The following GNAQ variants were observed in gnomAD, a reference collection of about 807,000 sequenced individuals.
GNAQ encodes the protein G protein subunit alpha q.
GNAQ carries 8 observed loss-of-function variants against 43.9 expected under a neutral mutation model. The ratio of observed to expected loss-of-function variants is 0.18; its 90% CI spans 0.11 to 0.33. The LOEUF (loss-of-function observed/expected upper bound fraction) is 0.33, where lower values mean the gene tolerates loss of function less well. Ranked by LOEUF, GNAQ falls within the 10% of genes least tolerant of loss-of-function variation. The probability of loss-of-function intolerance (pLI) is 1.00; values close to 1 mark genes in which losing one functional copy is unlikely to be tolerated. For synonymous variants in GNAQ, 155 were observed against 170.7 expected, an observed-to-expected ratio of 0.91 and a Z score of 0.71; for missense variants, 158 against 450.8, an observed-to-expected ratio of 0.35 and a Z score of 5.88.
chr9:77,994,085 T>C (rs1028466451), intron 1 of GNAQ, among the ~76,000 whole-genome samples: 1 of 152,170 alleles, frequency 6.6e-6, no homozygotes, highest in East Asian at 1.9e-4. Flanking sequence ...GGCACGATCA[T>C]AGCTCACTGC....
At chr9:77,942,801 A>G (rs1418138637) in intron 1 of GNAQ, among the ~76,000 whole-genome samples, 1 of 152,248 alleles carries the variant, frequency 6.6e-6, no homozygotes, top group East Asian at 1.9e-4. Context: ...GAATATGATC[A>G]ATAGCTGTGT....
intron 2 of GNAQ, among the ~76,000 whole-genome samples, chr9:77,879,864 TG>T (rs540884852): frequency 1.5e-3 from 224 of 152,308 alleles, no homozygotes; most frequent in African/African-American, 5.2e-3. Flanking sequence ...TTCTGCCCTT[TG>T]GGTTCTGAAA....
At chr9:77,962,892 CAAAAAAAAAAA>C (rs538653191) in intron 1 of GNAQ, among the ~76,000 whole-genome samples, 1 of 55,240 alleles carries the variant, frequency 1.8e-5, no homozygotes. Flanking sequence ...AACTTAGTCT[CAAAAAAAAAAA>C]AAAAAAAAAA....
intron 1 of GNAQ, among the ~76,000 whole-genome samples, chr9:77,965,224 A>ACT (rs1823151821): frequency 2.0e-5 from 3 of 152,118 alleles, no homozygotes; most frequent in African/African-American, 7.2e-5. Context: ...CAACACCCAT[A>ACT]ATTATATAAA....
At chr9:77,961,833 A>C (rs1823110475) in intron 1 of GNAQ, among the ~76,000 whole-genome samples, 1 of 152,186 alleles carries the variant, frequency 6.6e-6, no homozygotes, top group Non-Finnish European at 1.5e-5. Context: ...CAAATAAAGA[A>C]ACAGGAAAAG....
intron 1 of GNAQ, among the ~76,000 whole-genome samples, chr9:78,023,615 T>C (rs902917664): frequency 2.6e-5 from 4 of 151,606 alleles, no homozygotes; most frequent in Non-Finnish European, 4.4e-5. Flanking sequence ...AATCACCCTG[T>C]TGCCCCTACA....
At chr9:77,960,721 G>A (rs1823097190) in intron 1 of GNAQ, among the ~76,000 whole-genome samples, 1 of 152,016 alleles carries the variant, frequency 6.6e-6, no homozygotes, top group Admixed American at 6.6e-5. Context: ...TACAAAAGAT[G>A]GGAAAAACTA....
At chr9:77,770,955 T>A (rs1334168287) in intron 5 of GNAQ, among the ~76,000 whole-genome samples, 1 of 150,544 alleles carries the variant, frequency 6.6e-6, no homozygotes, top group East Asian at 1.9e-4. Context: ...ATTTTTCATT[T>A]TCTGAAAAAT....
At chr9:77,854,403 T>TA (rs1827719215) in intron 2 of GNAQ, among the ~76,000 whole-genome samples, 2 of 152,126 alleles carry the variant, frequency 1.3e-5, no homozygotes, top group African/African-American at 4.8e-5. Context: ...CAGGAAATGT[T>TA]AAAAAGGAAG....
chr9:77,901,246 G>A (rs979098411), intron 2 of GNAQ, among the ~76,000 whole-genome samples: 2 of 152,090 alleles, frequency 1.3e-5, no homozygotes, highest in African/African-American at 4.8e-5. Context: ...CCTGCCCAAG[G>A]GCTCTTGGGC....
intron 5 of GNAQ, among the ~76,000 whole-genome samples, chr9:77,762,575 C>T (rs1250438422): frequency 2.7e-5 from 4 of 149,742 alleles, no homozygotes; most frequent in African/African-American, 9.8e-5. Flanking sequence ...CTCTGCCCGG[C>T]CACCACCCCA....
chr9:77,818,031 A>G (rs966146906), intron 2 of GNAQ, among the ~76,000 whole-genome samples: 1 of 148,840 alleles, frequency 6.7e-6, no homozygotes, highest in African/African-American at 2.4e-5. Context: ...AAAACAAAAC[A>G]AAAAAAAACT....
intron 1 of GNAQ, among the ~76,000 whole-genome samples, chr9:78,003,561 T>A (rs1823668689): frequency 6.6e-6 from 1 of 152,058 alleles, no homozygotes; most frequent in South Asian, 2.1e-4. Context: ...ACACCTGTAA[T>A]CCCAGCATTT....
chr9:77,805,772 A>G (rs1487541057), intron 3 of GNAQ, among the ~76,000 whole-genome samples: 3 of 152,180 alleles, frequency 2.0e-5, no homozygotes, highest in Admixed American at 6.5e-5. Flanking sequence ...GTGGGTTATA[A>G]TCCTACCATT....
intron 2 of GNAQ, among the ~76,000 whole-genome samples, chr9:77,920,496 T>C (rs1466080907): frequency 6.6e-6 from 1 of 152,106 alleles, no homozygotes; most frequent in Non-Finnish European, 1.5e-5. Flanking sequence ...CTCGCTGGTA[T>C]TAAAAAAATA....
intron 5 of GNAQ, among the ~76,000 whole-genome samples, chr9:77,781,260 T>C (rs1011092810): frequency 2.7e-4 from 41 of 152,088 alleles, no homozygotes; most frequent in African/African-American, 9.2e-4. Context: ...TTTGCGTTGA[T>C]TTTCGTAAAG....
intron 1 of GNAQ, among the ~76,000 whole-genome samples, chr9:77,980,265 C>T (rs75111608): frequency 0.06 from 9,113 of 152,208 alleles, 306 homozygotes; most frequent in African/African-American, 0.068. Context: ...CCCTGGTGCT[C>T]ATAAACCAGT....
intron 5 of GNAQ, among the ~76,000 whole-genome samples, chr9:77,742,317 A>G (rs1393316688): frequency 1.3e-5 from 2 of 152,174 alleles, no homozygotes; most frequent in Non-Finnish European, 1.5e-5. Context: ...ACTAACTAAT[A>G]TAGAAGGCAA....
intron 1 of GNAQ, among the ~76,000 whole-genome samples, chr9:77,946,569 C>T (rs1225253948): frequency 2.0e-5 from 3 of 152,170 alleles, no homozygotes; most frequent in South Asian, 4.1e-4. Context: ...ACCCAGCAGT[C>T]GTGCTCCACC....
Sources: gnomAD v4.1 joint callset for allele counts (sites outside exome capture counted in the v4.1 genomes callset) on GRCh38, gnomAD v4.1.1 for gene constraint, MANE v1.5 for transcripts, NCBI Gene and HGNC (gene_info 2026-07-23, HGNC 2026-07-21) for gene names.